HPSE2: variants seen among roughly 807,000 people sequenced by gnomAD.
The protein encoded by HPSE2 is heparanase 2 (inactive).
HPSE2 carries 38 observed loss-of-function variants against 60.5 expected under a neutral mutation model. The ratio of observed to expected loss-of-function variants is 0.63; its 90% confidence interval spans 0.48 to 0.82. The LOEUF (loss-of-function observed/expected upper bound fraction) is 0.82. Ranked by LOEUF, HPSE2 falls within the 40% of genes least tolerant of loss-of-function variation. The pLI, the probability that HPSE2 is intolerant of heterozygous loss-of-function variation, is 0.00. For missense variants in HPSE2, 713 were observed against 740.4 expected (o/e 0.96, Z 0.43); for synonymous variants, 295 against 293.2 (o/e 1.01, Z -0.06).
At chr10:99,039,866 A>G (rs764838976) in intron 3 of HPSE2, among the ~76,000 whole-genome samples, 1 of 152,156 alleles carries the variant, frequency 6.6e-6, no homozygotes, top group African/African-American at 2.4e-5. Flanking sequence ...CAACTGTCTC[A>G]CTTCTGACCT....
chr10:98,474,544 T>TA (rs1172027581), intron 11 of HPSE2, among the ~76,000 whole-genome samples: 1 of 152,200 alleles, frequency 6.6e-6, no homozygotes, highest in African/African-American at 2.4e-5. Context: ...GGCATGCAGT[T>TA]AGATGCCAAT....
intron 3 of HPSE2, among the ~76,000 whole-genome samples, chr10:99,072,507 T>C (rs942203519): frequency 6.6e-6 from 1 of 152,058 alleles, no homozygotes; most frequent in East Asian, 1.9e-4. Flanking sequence ...GAACAGACAC[T>C]TCTCAAAAGA....
chr10:98,850,299 C>T (rs1449512160), intron 3 of HPSE2, among the ~76,000 whole-genome samples: 1 of 151,992 alleles, frequency 6.6e-6, no homozygotes, highest in East Asian at 1.9e-4. Context: ...AAAGTTCTTA[C>T]ATAATTGAGA....
intron 3 of HPSE2, among the ~76,000 whole-genome samples, chr10:98,953,745 A>G (rs1363300515): frequency 1.3e-5 from 2 of 152,142 alleles, no homozygotes; most frequent in East Asian, 3.9e-4. Context: ...GAAACTGGTT[A>G]AAAACACAGG....
chr10:99,028,740 CA>C (rs1957432953), intron 3 of HPSE2, among the ~76,000 whole-genome samples: 1 of 152,136 alleles, frequency 6.6e-6, no homozygotes, highest in Admixed American at 6.6e-5. Flanking sequence ...AATTATACTA[CA>C]GTGATACAGT....
chr10:99,205,175 C>A (rs1013725621), intron 2 of HPSE2, among the ~76,000 whole-genome samples: 29 of 152,242 alleles, frequency 1.9e-4, no homozygotes, highest in African/African-American at 7.0e-4. Context: ...ATTCTAGAAG[C>A]CCAGTCCCTA....
chr10:98,945,469 C>T (rs551936460), intron 3 of HPSE2, among the ~76,000 whole-genome samples: 3 of 152,144 alleles, frequency 2.0e-5, no homozygotes, highest in East Asian at 3.9e-4. Flanking sequence ...CCCTCTTAAC[C>T]CAACCAATAA....
chr10:98,622,078 T>C (rs941969941), intron 7 of HPSE2, among the ~76,000 whole-genome samples: 1 of 152,240 alleles, frequency 6.6e-6, no homozygotes, highest in African/African-American at 2.4e-5. Context: ...TATGTCACTG[T>C]AGCAGATGTC....
At chr10:98,510,829 C>A (rs1367055451) in intron 9 of HPSE2, among the ~76,000 whole-genome samples, 1 of 152,018 alleles carries the variant, frequency 6.6e-6, no homozygotes, top group Non-Finnish European at 1.5e-5. Context: ...CATGTAAACA[C>A]CCTCTGTGAA....
At chr10:99,306,159 C>T in the HPSE2 span, among the ~76,000 whole-genome samples, 1 of 151,928 alleles carries the variant, frequency 6.6e-6, no homozygotes, top group Admixed American at 6.6e-5. Flanking sequence ...TCCAGAAGAG[C>T]AGAGAGGAAA....
chr10:98,912,889 A>G (rs1250689825), intron 3 of HPSE2, among the ~76,000 whole-genome samples: 1 of 152,184 alleles, frequency 6.6e-6, no homozygotes, highest in Non-Finnish European at 1.5e-5. Flanking sequence ...CAACAGGAGG[A>G]CTATAGTCAA....
At chr10:98,690,743 A>G (rs949405554) in intron 6 of HPSE2, among the ~76,000 whole-genome samples, 2 of 151,460 alleles carry the variant, frequency 1.3e-5, no homozygotes, top group Non-Finnish European at 2.9e-5. Context: ...GATACAAGCT[A>G]CTCCACTATA....
intron 2 of HPSE2, among the ~76,000 whole-genome samples, chr10:99,224,408 CTCTT>C (rs1374733424): frequency 4.2e-5 from 6 of 143,304 alleles, no homozygotes; most frequent in African/African-American, 1.1e-4. Context: ...CATTCTCACT[CTCTT>C]TCTCTCTGAC....
chr10:98,594,609 T>C (rs1266969474), intron 9 of HPSE2, among the ~76,000 whole-genome samples: 1 of 152,194 alleles, frequency 6.6e-6, no homozygotes, highest in Non-Finnish European at 1.5e-5. Flanking sequence ...TCCAAGTTTA[T>C]CCATGTTGTC....
chr10:99,106,618 A>AAAT (rs138669245), intron 3 of HPSE2, among the ~76,000 whole-genome samples: 10 of 151,460 alleles, frequency 6.6e-5, no homozygotes, highest in Middle Eastern at 3.4e-3. Context: ...TTGTATCTAA[A>AAAT]AATAATAATA....
intron 3 of HPSE2, among the ~76,000 whole-genome samples, chr10:98,856,835 T>C (rs1952328711): frequency 1.3e-5 from 2 of 152,118 alleles, no homozygotes; most frequent in South Asian, 4.1e-4. Context: ...AAGTAAAAAA[T>C]CAGAAACATT....
At chr10:98,484,051 G>A (rs1181866112) in intron 10 of HPSE2, among the ~76,000 whole-genome samples, 1 of 152,146 alleles carries the variant, frequency 6.6e-6, no homozygotes, top group Non-Finnish European at 1.5e-5. Flanking sequence ...AACCTGAGAG[G>A]TGAAAATGGG....
chr10:98,764,822 A>T (rs1030968734), intron 3 of HPSE2, among the ~76,000 whole-genome samples: 1 of 152,110 alleles, frequency 6.6e-6, no homozygotes, highest in Non-Finnish European at 1.5e-5. Flanking sequence ...GCACCACTGC[A>T]CTCCAGCCTG....
chr10:98,712,650 C>T (rs1589689087), intron 5 of HPSE2, among the ~76,000 whole-genome samples: 2 of 152,116 alleles, frequency 1.3e-5, no homozygotes, highest in East Asian at 3.8e-4. Context: ...GCCGTGGTGG[C>T]AAAGACCATT....
Sources: allele counts gnomAD v4.1 joint callset (sites outside exome capture counted in the v4.1 genomes callset), GRCh38; gene constraint gnomAD v4.1.1; transcripts MANE v1.5; gene names NCBI Gene and HGNC (gene_info 2026-07-23, HGNC 2026-07-21).